Variants in JAK1 observed in about 807,000 individuals in gnomAD.
The protein encoded by JAK1 is Janus kinase 1.
In JAK1, 16 loss-of-function variants were observed where a neutral mutation model predicts 136.6. The ratio of observed to expected loss-of-function variants is 0.12; its 90% confidence interval spans 0.08 to 0.18. JAK1 has a LOEUF of 0.18. Among genes scored for constraint, JAK1 ranks in the 10% least tolerant of loss-of-function variants. The probability of loss-of-function intolerance (pLI) is 1.00; values close to 1 mark genes in which losing one functional copy is unlikely to be tolerated. For synonymous variants in JAK1, 492 were observed against 519.5 expected (o/e 0.95, Z 0.72); for missense variants, 859 against 1,450.1 (o/e 0.59, Z 6.62).
chr1:64,861,735 G>A (rs897760168), intron 8 of JAK1, among the ~76,000 whole-genome samples: 15 of 152,180 alleles, frequency 9.9e-5, no homozygotes, highest in African/African-American at 2.9e-4. Context: ...CTGTAATGCC[G>A]AAGGAAGCAT....
intron 1 of JAK1, among the ~76,000 whole-genome samples, chr1:64,952,734 A>G (rs1448150720): frequency 6.6e-6 from 1 of 152,228 alleles, no homozygotes; most frequent in Non-Finnish European, 1.5e-5. Flanking sequence ...GAACTTCCAG[A>G]TAACTTATGG....
upstream of JAK1, among the ~76,000 whole-genome samples, chr1:64,967,196 G>C (rs540729719): frequency 1.3e-3 from 193 of 152,224 alleles, 1 homozygote; most frequent in African/African-American, 4.5e-3. Flanking sequence ...AACAAATTAA[G>C]TCTTTAGTGT....
At position 64,847,587 on chromosome 1, in the gene JAK1, T is replaced by C; in HGVS notation, c.1844A>G (p.Lys615Arg). 1 of 1,614,162 alleles carries C rather than the reference T, an allele frequency of 6.2e-7. No homozygotes were observed. Among genetic ancestry groups the C allele is most frequent in the Non-Finnish European group, 8.5e-7 (1 of 1,180,010 alleles). ...GACTTTGAGGATCACTTTTATCTTC[T>C]TCTCTTCAGAAGTTCCTTCGTCATC... ...YKDDEGTSEE[K>R]KIKVILKVLD... The change falls in exon 13 of 25, where the codon AAG becomes AGG. Residue 615 changes from lysine to arginine, a missense_variant. Around this residue, in one of 4 missense-constraint regions of JAK1, gnomAD observed 409 missense variants for 753.8 expected, o/e 0.54. Transcript: ENST00000342505.
chr1:64,928,639 T>C lies in JAK1; in HGVS notation c.-78+37694A>G, dbSNP rs137899256. 1.1e-4 allele frequency among the ~76,000 whole-genome samples: 17 copies of C among 152,080 alleles called. 1 individual carries two copies. In the East Asian group the frequency reaches 3.3e-3, roughly 29 times the overall value. On this transcript the variant is annotated intron_variant, in intron 1 of 24. Coordinates refer to ENST00000342505, the MANE Select transcript of JAK1 (RefSeq NM_002227.4). ...TTGGCTTTCCCAGTAACTTCTGGAA[T>C]TACATTTGGAAAGTCACTTCACCCC...
chr1:64,968,991 T>C (rs114494431), upstream of JAK1, among the ~76,000 whole-genome samples: 1,690 of 151,498 alleles, frequency 0.011, 32 homozygotes, highest in African/African-American at 0.038. Flanking sequence ...ATGCCTGTAT[T>C]TCCGACTACT....
At chr1:64,900,498 C>T (rs760590473) in intron 1 of JAK1, among the ~76,000 whole-genome samples, 2 of 152,170 alleles carry the variant, frequency 1.3e-5, no homozygotes, top group Admixed American at 6.5e-5. Flanking sequence ...GTCAGACTGA[C>T]ATGAAGTGAG....
At chr1:64,902,324 A>C (rs189594391) in intron 1 of JAK1, among the ~76,000 whole-genome samples, 235 of 152,236 alleles carry the variant, frequency 1.5e-3, no homozygotes, top group Non-Finnish European at 1.5e-3. Context: ...CACTAAAGGG[A>C]GTAAAATCAT....
At chr1:64,905,666 T>G (rs1173581901) in intron 1 of JAK1, among the ~76,000 whole-genome samples, 1 of 152,064 alleles carries the variant, frequency 6.6e-6, no homozygotes, top group Non-Finnish European at 1.5e-5. Flanking sequence ...CCTCACCCAA[T>G]CCCATAAAAT....
chr1:64,980,566 T>C (rs910634580), intron 2 of JAK1, among the ~76,000 whole-genome samples: 1 of 151,030 alleles, frequency 6.6e-6, no homozygotes, highest in Admixed American at 6.6e-5. Flanking sequence ...TTTTTTTTTT[T>C]AAACTCTTTT....
chr1:64,864,227 C>A (rs561575102), intron 8 of JAK1, among the ~76,000 whole-genome samples: 1 of 152,228 alleles, frequency 6.6e-6, no homozygotes, highest in South Asian at 2.1e-4. Flanking sequence ...TCCCCTGACA[C>A]AAACAGGTTT....
In JAK1 at chr1:64,927,459, G is replaced by A. The variant is rs17397764; in HGVS notation, c.-78+38874C>T. On this transcript the variant is annotated intron_variant, in intron 1 of 24. Transcript: ENST00000342505. ...CAAATGAACGAATAAATGAGGCTCA[G>A]AAAGTTTAATAATTTGTCAAATATT... is the stretch of plus-strand genomic sequence containing the variant. Among the ~76,000 whole-genome samples the A allele has an allele frequency of 7.0e-3, 1,064 of 152,274 alleles. 14 individuals carry two copies. Among genetic ancestry groups the A allele is most frequent in the South Asian group, 0.033 (158 of 4,828 alleles).
At position 64,869,345 on chromosome 1, in the gene JAK1, T is replaced by C; in HGVS notation, c.613A>G (p.Lys205Glu). The stretch of plus-strand genomic sequence containing the variant: ...TTGGGCAGTTCTGGCAACTGCATCT[T>C]CTTCATCATGGCATAGTGTGAGATG... ...LAISHYAMMKKMQLPELPKDI... is the reference protein window; with the variant it reads ...LAISHYAMMKEMQLPELPKDI... The change falls in exon 6 of 25, where the codon AAG becomes GAG. Residue 205 changes from lysine to glutamate, a missense_variant. This residue lies in a region of JAK1 where 353 missense variants were observed against 494.0 expected (regional missense o/e 0.71). Transcript: ENST00000342505. 6.2e-7 allele frequency: 1 copy of C among 1,614,112 alleles called. No homozygotes were observed. The highest frequency in any genetic ancestry group is 2.2e-5 in the East Asian group (1 of 44,888).
intron 2 of JAK1, among the ~76,000 whole-genome samples, chr1:65,021,644 G>GCT (rs1383822113): frequency 1.3e-5 from 2 of 152,226 alleles, no homozygotes; most frequent in East Asian, 1.9e-4. Context: ...TCTAAACATA[G>GCT]CTCTCCCTGT....
chr1:65,025,274 T>C (rs1252440716), intron 2 of JAK1, among the ~76,000 whole-genome samples: 1 of 152,092 alleles, frequency 6.6e-6, no homozygotes, highest in African/African-American at 2.4e-5. Flanking sequence ...CCCGAAGCAA[T>C]GGTTAGAGCC....
At chr1:64,913,709 G>A (rs77016283) in intron 1 of JAK1, among the ~76,000 whole-genome samples, 1,565 of 20,390 alleles carry the variant, frequency 0.077, 46 homozygotes, top group African/African-American at 0.14. Flanking sequence ...GGAAAGAAGG[G>A]AGGGAGGGAG....
At chr1:64,837,266 A>G (rs1042572942) in intron 22 of JAK1, among the ~76,000 whole-genome samples, 3 of 152,210 alleles carry the variant, frequency 2.0e-5, no homozygotes, top group African/African-American at 7.2e-5. Flanking sequence ...TAAATGAATG[A>G]ATGAGTAAGT....
At chr1:64,871,776 G>A (rs548085314) in intron 5 of JAK1, among the ~76,000 whole-genome samples, 2 of 152,240 alleles carry the variant, frequency 1.3e-5, no homozygotes, top group African/African-American at 2.4e-5. Flanking sequence ...GCTACACTAG[G>A]CCAAACCAGC....
At chr1:65,049,563 C>T (rs943054024) in intron 1 of JAK1, among the ~76,000 whole-genome samples, 1 of 152,182 alleles carries the variant, frequency 6.6e-6, no homozygotes, top group African/African-American at 2.4e-5. Context: ...TGACTGGCCA[C>T]GGGTCCTTCC....
chr1:64,835,634 G>A lies in JAK1; in HGVS notation c.3259-128C>T, dbSNP rs116853740. On this transcript the variant is annotated intron_variant, in intron 23 of 24. Coordinates refer to ENST00000342505, the MANE Select transcript of JAK1 (RefSeq NM_002227.4). The stretch of plus-strand genomic sequence containing the variant: ...AGCAATAAAAAGGCTTTTCTCCTTA[G>A]TAACTTTAAATAAAAATCCAAAATC... 2,568 of 646,020 alleles carry A rather than the reference G, an allele frequency of 4.0e-3. 47 individuals are homozygous for A. The highest frequency in any genetic ancestry group is 0.033 in the East Asian group (1,197 of 35,732). The allele number at this position is 646,020 out of a possible 1,614,324, so 40.0% of individuals were successfully genotyped here.
Sources: gnomAD v4.1 joint callset for allele counts (sites outside exome capture counted in the v4.1 genomes callset) on GRCh38, gnomAD v4.1.1 for gene constraint, gnomAD v4.1.1 regional missense constraint, MANE v1.5 for transcripts, NCBI Gene and HGNC (gene_info 2026-07-23, HGNC 2026-07-21) for gene names.